Variants in MTHFS observed in about 807,000 individuals in gnomAD.
MTHFS encodes the protein methenyltetrahydrofolate synthetase.
A neutral mutation model predicts 12.7 loss-of-function variants in MTHFS; 7 were observed. The ratio of observed to expected loss-of-function variants is 0.55; its 90% CI spans 0.31 to 1.03. The LOEUF (loss-of-function observed/expected upper bound fraction) is 1.03, where lower values mean the gene tolerates loss of function less well. Among genes scored for constraint, MTHFS ranks in the 50% least tolerant of loss-of-function variants. MTHFS has a pLI of 0.05. For synonymous variants in MTHFS, 100 were observed against 97.1 expected (o/e 1.03, Z -0.18); for missense variants, 252 against 258.1 (o/e 0.98, Z 0.16).
rs754872592 is a variant in MTHFS, at chr15:79,886,963, G to A, written c.379+2130C>T. Among the ~76,000 whole-genome samples, 8 of 152,146 alleles carry A rather than the reference G, an allele frequency of 5.3e-5. No homozygotes were observed. The South Asian group carries it at 6.2e-4, about 12-fold the overall frequency. On this transcript the variant is annotated intron_variant, in intron 2 of 2. Coordinates refer to ENST00000258874, the MANE Select transcript of MTHFS (RefSeq NM_006441.4). ...ACATGCTAAAAACCATACATAGGCC[G>A]GGCACGGTGGCCTGTAATCCCAGCA...
Position 79,845,073 on chromosome 15 carries a change from T to C in MTHFS, c.*137A>G. On this transcript the variant is annotated 3_prime_UTR_variant, in exon 3 of 3. Transcript: ENST00000258874. ...TAAAGATGGTTTTATATAAGGTATT[T>C]CATAATTACAATTTTAAAATGCAGT... is the stretch of plus-strand genomic sequence containing the variant. 8.7e-7 allele frequency: 1 copy of C among 1,151,292 alleles called. No homozygotes were observed. The highest frequency in any genetic ancestry group is 1.2e-6 in the Non-Finnish European group (1 of 834,142). The allele number at this position is 1,151,292 out of a possible 1,614,324, so 71.3% of individuals were successfully genotyped here.
chr15:79,896,803 A>C (rs898704477), intron 1 of MTHFS, 69 bp downstream of exon 1: 23 of 1,532,858 alleles, frequency 1.5e-5, no homozygotes, highest in Non-Finnish European at 1.9e-5. Flanking sequence ...TGCACAGATC[A>C]GCAATCGCTG....
chr15:79,896,410 T>G (rs999933136), intron 1 of MTHFS, among the ~76,000 whole-genome samples: 1 of 152,202 alleles, frequency 6.6e-6, no homozygotes, highest in Admixed American at 6.5e-5. Flanking sequence ...TCTGGCCATT[T>G]TACTAATATA....
At chr15:79,894,556 G>C (rs2034533639) in intron 1 of MTHFS, among the ~76,000 whole-genome samples, 1 of 152,044 alleles carries the variant, frequency 6.6e-6, no homozygotes, top group Non-Finnish European at 1.5e-5. Flanking sequence ...TCATTCTATT[G>C]CTGTCAGTGA....
chr15:79,893,843 G>C (rs1381593857), intron 1 of MTHFS, among the ~76,000 whole-genome samples: 2 of 152,118 alleles, frequency 1.3e-5, no homozygotes, highest in Non-Finnish European at 2.9e-5. Flanking sequence ...AGGGAATCAA[G>C]ATATGACATA....
At chr15:79,857,227 A>T (rs564657011) in intron 2 of MTHFS, among the ~76,000 whole-genome samples, 2 of 152,024 alleles carry the variant, frequency 1.3e-5, no homozygotes, top group African/African-American at 4.8e-5. Flanking sequence ...CGAACTCCTG[A>T]TCCTCAGGTG....
intron 2 of MTHFS, among the ~76,000 whole-genome samples, chr15:79,875,383 T>C (rs547418719): frequency 6.6e-6 from 1 of 152,068 alleles, no homozygotes; most frequent in Non-Finnish European, 1.5e-5. Flanking sequence ...ACATTCAAAG[T>C]GCTGAATGAA....
intron 2 of MTHFS, 80 bp from the exon 3 acceptor site, chr15:79,845,522 G>A: frequency 3.3e-6 from 5 of 1,510,732 alleles, no homozygotes; most frequent in Non-Finnish European, 3.6e-6. Context: ...GTTTTGTAAT[G>A]ACATCAATTC....
At chr15:79,846,429 C>T (rs1416939447) in intron 2 of MTHFS, among the ~76,000 whole-genome samples, 1 of 152,184 alleles carries the variant, frequency 6.6e-6, no homozygotes, top group Non-Finnish European at 1.5e-5. Flanking sequence ...CATTTGCTGG[C>T]AAGATATACC....
At chr15:79,884,002 A>C (rs946578371) in intron 2 of MTHFS, among the ~76,000 whole-genome samples, 1 of 152,242 alleles carries the variant, frequency 6.6e-6, no homozygotes, top group Non-Finnish European at 1.5e-5. Flanking sequence ...AAACAACAGC[A>C]GCCACAGCAG....
At chr15:79,850,423 G>C (rs1566986912) in intron 2 of MTHFS, among the ~76,000 whole-genome samples, 2 of 152,196 alleles carry the variant, frequency 1.3e-5, no homozygotes, top group Admixed American at 1.3e-4. Flanking sequence ...AAATAATTTA[G>C]GCTTTGCAGG....
chr15:79,872,049 G>A (rs1284165530), intron 2 of MTHFS, among the ~76,000 whole-genome samples: 1 of 137,674 alleles, frequency 7.3e-6, no homozygotes, highest in Non-Finnish European at 1.5e-5. Flanking sequence ...AGGTTGCACT[G>A]AGCTGAGATA....
At chr15:79,888,746 G>A (rs577461773) in intron 2 of MTHFS, among the ~76,000 whole-genome samples, 20 of 152,310 alleles carry the variant, frequency 1.3e-4, no homozygotes, top group African/African-American at 4.8e-4. Flanking sequence ...GTAGGTAGTC[G>A]AAGTTGAGAA....
intron 2 of MTHFS, among the ~76,000 whole-genome samples, chr15:79,884,832 G>C (rs1269434022): frequency 1.3e-5 from 2 of 152,160 alleles, no homozygotes; most frequent in Non-Finnish European, 1.5e-5. Context: ...TCAAAGGAGA[G>C]AGCCCTGTGA....
chr15:79,897,006 T>C lies in MTHFS; in HGVS notation c.-18A>G. ...GCCGCCATCTCACGCCCAAGCCGAG[T>C]CCAGTCCCGCCCTCGGCGCCCTGGG... On this transcript the variant is annotated 5_prime_UTR_variant, in exon 1 of 3. Transcript: ENST00000258874. 1 of 1,514,456 alleles carries C rather than the reference T, an allele frequency of 6.6e-7. No individual in the cohort carries two copies. Among genetic ancestry groups the C allele is most frequent in the East Asian group, 2.6e-5 (1 of 38,446 alleles). The allele number at this position is 1,514,456 out of a possible 1,614,324, so 93.8% of individuals were successfully genotyped here.
chr15:79,850,085 C>T (rs1463249916), intron 2 of MTHFS, among the ~76,000 whole-genome samples: 2 of 152,166 alleles, frequency 1.3e-5, no homozygotes, highest in Non-Finnish European at 2.9e-5. Flanking sequence ...TTTTCTCATC[C>T]GTAAAATGGA....
intron 2 of MTHFS, among the ~76,000 whole-genome samples, chr15:79,859,341 C>G (rs561084753): frequency 1.3e-5 from 2 of 152,350 alleles, no homozygotes; most frequent in Admixed American, 6.5e-5. Context: ...CATTATACAT[C>G]TATATTCATC....
intron 2 of MTHFS, among the ~76,000 whole-genome samples, chr15:79,885,020 G>T (rs979104983): frequency 6.6e-6 from 1 of 152,222 alleles, no homozygotes; most frequent in Non-Finnish European, 1.5e-5. Context: ...AGCCTCCTGA[G>T]GATATCATGA....
At chr15:79,896,833 G>T in intron 1 of MTHFS, 39 bp downstream of exon 1, 1 of 1,538,444 alleles carries the variant, frequency 6.5e-7, no homozygotes. Flanking sequence ...CCTTCGGAGG[G>T]TCTGTCCGCC....
Sources: allele counts gnomAD v4.1 joint callset (sites outside exome capture counted in the v4.1 genomes callset), GRCh38; gene constraint gnomAD v4.1.1; transcripts MANE v1.5; gene names NCBI Gene and HGNC (gene_info 2026-07-23, HGNC 2026-07-21).